Variants in IL1RAPL2 observed in about 807,000 individuals in gnomAD.
IL1RAPL2 encodes the protein X-linked interleukin-1 receptor accessory protein-like 2.
A neutral mutation model predicts 44.1 loss-of-function variants in IL1RAPL2; 3 were observed. The observed-to-expected ratio is 0.07, with a 90% CI of 0.03 to 0.18. The LOEUF (loss-of-function observed/expected upper bound fraction) is 0.18. Ranked by LOEUF, IL1RAPL2 falls within the 10% of genes least tolerant of loss-of-function variation. The pLI is 1.00. For synonymous variants in IL1RAPL2, 181 were observed against 178.8 expected (o/e 1.01, Z -0.10); for missense variants, 391 against 496.4 (o/e 0.79, Z 2.02).
chrX:104,959,138 T>C (rs760808849), intron 2 of IL1RAPL2, among the ~76,000 whole-genome samples: 5 of 110,511 alleles, frequency 4.5e-5, no homozygotes, highest in Non-Finnish European at 9.5e-5. Flanking sequence ...TTTTTCTTGC[T>C]CTGTTAAAAA....
intron 6 of IL1RAPL2, among the ~76,000 whole-genome samples, chrX:105,573,189 G>T (rs187393195): frequency 9.0e-6 from 1 of 111,170 alleles, no homozygotes; most frequent in African/African-American, 3.3e-5. Context: ...CTCATGAGTA[G>T]CTGGGACCAC....
At chrX:105,750,352 C>A (rs1214141681) in intron 9 of IL1RAPL2, among the ~76,000 whole-genome samples, 1 of 101,367 alleles carries the variant, frequency 9.9e-6, no homozygotes, top group Non-Finnish European at 2.0e-5. Flanking sequence ...TGGCTCACTG[C>A]AGCCTCGAAC....
chrX:105,179,125 G>C (rs977538574), intron 2 of IL1RAPL2, among the ~76,000 whole-genome samples: 1 of 111,502 alleles, frequency 9.0e-6, no homozygotes, highest in Non-Finnish European at 1.9e-5. Flanking sequence ...TTTAGTTTCA[G>C]GTCTTACATT....
At chrX:105,042,097 C>A (rs1259755239) in intron 2 of IL1RAPL2, among the ~76,000 whole-genome samples, 17 of 111,289 alleles carry the variant, frequency 1.5e-4, no homozygotes, top group South Asian at 3.8e-4. Context: ...TAAAGACTTA[C>A]ATGTTAGACC....
At chrX:105,322,497 TGA>T (rs1364686178) in intron 5 of IL1RAPL2, among the ~76,000 whole-genome samples, 1 of 111,596 alleles carries the variant, frequency 9.0e-6, no homozygotes, top group African/African-American at 3.3e-5. Flanking sequence ...TTGGCAGAAT[TGA>T]GTCCTTTGTG....
At chrX:105,546,981 C>T (rs2036806870) in intron 6 of IL1RAPL2, among the ~76,000 whole-genome samples, 1 of 111,326 alleles carries the variant, frequency 9.0e-6, no homozygotes, top group Non-Finnish European at 1.9e-5. Flanking sequence ...AGGCAGCATA[C>T]GGCAGTTAAT....
chrX:105,208,490 C>T lies in IL1RAPL2; in HGVS notation c.356+12742C>T, dbSNP rs1416852715. Among the ~76,000 whole-genome samples the T allele has an allele frequency of 4.8e-4, 54 of 111,870 alleles. 1 individual carries two copies. The Admixed American group carries it at 5.0e-3, about 10-fold the overall frequency. On this transcript the variant is annotated intron_variant, in intron 3 of 10. Coordinates refer to ENST00000372582, the MANE Select transcript of IL1RAPL2 (RefSeq NM_017416.2). The stretch of plus-strand genomic sequence containing the variant: ...TGGAACCATCCCCACTCTCTCACCA[C>T]ACCGAAGAGTGATCCACCTTGGTAG...
intron 2 of IL1RAPL2, among the ~76,000 whole-genome samples, chrX:104,907,037 G>A (rs1402745434): frequency 4.5e-5 from 5 of 110,899 alleles, no homozygotes; most frequent in Non-Finnish European, 7.6e-5. Context: ...TTGGGAGAGT[G>A]TATGTGTTGA....
Position 105,406,492 on chromosome X carries a change from T to C in IL1RAPL2, c.698-77821T>C, listed in dbSNP as rs1382127829. On this transcript the variant is annotated intron_variant, in intron 5 of 10. Coordinates refer to ENST00000372582, the MANE Select transcript of IL1RAPL2 (RefSeq NM_017416.2). ...ATTCACCAATATCCCGAAAGGAATT[T>C]GTCCGATTTTTTGCTAGCAACTCCA... The C allele has an allele frequency of 2.5e-6, 3 of 1,200,489 alleles. No individual in the cohort carries two copies. In the African/African-American group the frequency reaches 5.3e-5, roughly 21 times the overall value.
At chrX:104,669,403 C>T (rs1319093534) in intron 2 of IL1RAPL2, among the ~76,000 whole-genome samples, 2 of 111,061 alleles carry the variant, frequency 1.8e-5, no homozygotes, top group African/African-American at 3.3e-5. Flanking sequence ...ATCATTATCT[C>T]ATTTTCCTCT....
intron 5 of IL1RAPL2, among the ~76,000 whole-genome samples, chrX:105,438,727 C>T (rs896858696): frequency 7.3e-5 from 8 of 110,254 alleles, no homozygotes; most frequent in African/African-American, 2.6e-4. Context: ...GGCATCCCTC[C>T]TCTCCCATTA....
chrX:104,583,552 C>T (rs1928454595), intron 1 of IL1RAPL2, among the ~76,000 whole-genome samples: 1 of 112,180 alleles, frequency 8.9e-6, no homozygotes, highest in Non-Finnish European at 1.9e-5. Flanking sequence ...TTTCAAAGTG[C>T]ATCCATTTTG....
Position 104,667,509 on chromosome X carries a change from A to C in IL1RAPL2, c.82+8514A>C, listed in dbSNP as rs1025363221. ...AAAGACACTGAGGTAGGTAGGTCCA[A>C]CTCTTGTTCTCCATATAGGGAAACT... is the stretch of plus-strand genomic sequence containing the variant. On this transcript the variant is annotated intron_variant, in intron 2 of 10. Coordinates refer to ENST00000372582, the MANE Select transcript of IL1RAPL2 (RefSeq NM_017416.2). Among the ~76,000 whole-genome samples the C allele has an allele frequency of 5.4e-5, 6 of 111,339 alleles. No homozygotes were observed. The Admixed American group carries it at 5.7e-4, about 11-fold the overall frequency.
intron 1 of IL1RAPL2, among the ~76,000 whole-genome samples, chrX:104,569,288 G>A (rs1370097957): frequency 8.9e-6 from 1 of 112,251 alleles, no homozygotes; most frequent in Non-Finnish European, 1.9e-5. Context: ...CTACCACTTT[G>A]ACCTCTCTGT....
intron 2 of IL1RAPL2, among the ~76,000 whole-genome samples, chrX:105,031,563 T>C (rs759469099): frequency 1.1e-3 from 125 of 112,271 alleles, no homozygotes; most frequent in Middle Eastern, 4.6e-3. Flanking sequence ...TTTGTGTATG[T>C]TGAACCAACC....
chrX:105,240,553 C>T (rs1556207146), intron 4 of IL1RAPL2, among the ~76,000 whole-genome samples: 1 of 111,649 alleles, frequency 9.0e-6, no homozygotes, highest in Non-Finnish European at 1.9e-5. Flanking sequence ...TTTTCAGGGT[C>T]CTTTCCAACC....
intron 2 of IL1RAPL2, among the ~76,000 whole-genome samples, chrX:105,102,163 G>T (rs2032679551): frequency 9.0e-6 from 1 of 111,548 alleles, no homozygotes; most frequent in Admixed American, 9.6e-5. Context: ...TTTCTGAGGA[G>T]TCAGGTGTTA....
intron 2 of IL1RAPL2, among the ~76,000 whole-genome samples, chrX:104,766,785 C>T (rs189349047): frequency 8.9e-6 from 1 of 112,188 alleles, no homozygotes; most frequent in African/African-American, 3.2e-5. Context: ...CTCAAAAGTA[C>T]ACATGAAAAG....
At chrX:104,687,496 C>T (rs1367248313) in intron 2 of IL1RAPL2, among the ~76,000 whole-genome samples, 1 of 111,520 alleles carries the variant, frequency 9.0e-6, no homozygotes, top group Non-Finnish European at 1.9e-5. Flanking sequence ...ATGATCTAAA[C>T]ACCTCCCACC....
Sources: gnomAD v4.1 joint callset for allele counts (sites outside exome capture counted in the v4.1 genomes callset) on GRCh38, gnomAD v4.1.1 for gene constraint, MANE v1.5 for transcripts, NCBI Gene and HGNC (gene_info 2026-07-23, HGNC 2026-07-21) for gene names.